Variants in CSRNP2 observed in about 807,000 individuals in gnomAD.
CSRNP2 encodes the protein cysteine and serine rich nuclear protein 2, also known as cysteine/serine-rich nuclear protein 2.
CSRNP2 carries 11 observed loss-of-function variants against 36.6 expected under a neutral mutation model. The ratio of observed to expected loss-of-function variants is 0.30; its 90% CI spans 0.19 to 0.50. The LOEUF is 0.50. CSRNP2 is among the 20% of genes least tolerant of loss of function. The pLI is 0.98. For synonymous variants in CSRNP2, 248 were observed against 275.3 expected (o/e 0.90, Z 0.98); for missense variants, 483 against 691.4 (o/e 0.70, Z 3.38).
Position 51,076,549 on chromosome 12 carries a change from T to C in CSRNP2, c.13A>G (p.Thr5Ala). Residue 5 changes from threonine to alanine, a missense_variant, in exon 2 of 5, where the codon ACG becomes GCG. Thr to Ala is a moderately conservative substitution (Grantham distance 58). Around this residue, in one of 2 missense-constraint regions of CSRNP2, gnomAD observed 206 missense variants for 367.8 expected, o/e 0.56. Coordinates refer to ENST00000228515, the MANE Select transcript of CSRNP2 (RefSeq NM_030809.3). MDAF[T>A]GSGLKRKFDD... ...AACTTCCTCTTGAGACCCGAGCCCG[T>C]GAATGCATCCATTGGTTTCAAAGGG... 6.2e-7 allele frequency: 1 copy of C among 1,614,032 alleles called. No individual in the cohort carries two copies. The highest frequency in any genetic ancestry group is 8.5e-7 in the Non-Finnish European group (1 of 1,180,006).
chr12:51,079,769 CA>C (rs35767986), intron 1 of CSRNP2, among the ~76,000 whole-genome samples: 8,113 of 33,770 alleles, frequency 0.24, 61 homozygotes, highest in East Asian at 0.34. Context: ...GAGACCTTGT[CA>C]AAAAAAAAAA....
At chr12:51,079,560 G>A (rs1438997174) in intron 1 of CSRNP2, among the ~76,000 whole-genome samples, 2 of 144,666 alleles carry the variant, frequency 1.4e-5, no homozygotes, top group Admixed American at 7.0e-5. Flanking sequence ...GCTGGAGTTC[G>A]AGACCAGCCT....
intron 1 of CSRNP2, among the ~76,000 whole-genome samples, chr12:51,080,127 A>AGCAGGCAGGCAGGCAGGCAGGCAG (rs138392211): frequency 5.1e-5 from 7 of 137,832 alleles, no homozygotes; most frequent in African/African-American, 1.1e-4. Flanking sequence ...GAAGAAGGCA[A>AGCAGGCAGGCAGGCAGGCAGGCAG]GCAGGCAGGC....
intron 3 of CSRNP2, 84 bp downstream of exon 3, chr12:51,073,739 A>T: frequency 2.2e-6 from 3 of 1,385,700 alleles, no homozygotes; most frequent in Non-Finnish European, 2.9e-6. Context: ...AAAAAAAAAA[A>T]AAAAAAAATC....
chr12:51,064,652 A>G lies in CSRNP2; in HGVS notation c.726T>C (p.Phe242=), dbSNP rs1310443921. The G allele has an allele frequency of 1.3e-6, 2 of 1,527,954 alleles. No individual in the cohort carries two copies. Among genetic ancestry groups the G allele is most frequent in the African/African-American group, 1.4e-5 (1 of 72,296 alleles). The allele number at this position is 1,527,954 out of a possible 1,614,324, so 94.6% of individuals were successfully genotyped here. ...AGCCATCCCGGGAGCAGCCACATGGAAAGGACATGCGATCCACCTGAGCGG... is the reference window on the plus strand; with the variant it reads ...AGCCATCCCGGGAGCAGCCACATGGGAAGGACATGCGATCCACCTGAGCGG... ...GIKCQVDRMS[F]PCGCSRDGCG... The change falls in exon 5 of 5, where the codon TTT becomes TTC. Residue 242 remains phenylalanine (F), a synonymous_variant. Transcript: ENST00000228515.
At position 51,067,753 on chromosome 12, in the gene CSRNP2, G is replaced by A. The variant is rs1938550908; in HGVS notation, c.628C>T (p.Arg210Trp). 1 of 1,614,182 alleles carries A rather than the reference G, an allele frequency of 6.2e-7. No homozygotes were observed. Among genetic ancestry groups the A allele is most frequent in the Non-Finnish European group, 8.5e-7 (1 of 1,180,030 alleles). The change falls in exon 4 of 5, where the codon CGG becomes TGG. Residue 210 changes from arginine (R) to tryptophan (W), a missense_variant. Coordinates refer to ENST00000228515, the MANE Select transcript of CSRNP2 (RefSeq NM_030809.3). The surrounding 1 kb of genome is among the most constrained non-coding windows in gnomAD (Gnocchi z 4.1). ...CGGCAGTCACAACCACATTCTTCCC[G>A]TGACAGGCGGATGGCTCGAAGTTCT... ...KQELRAIRLS[R>W]EECGCDCRLY...
chr12:51,080,239 TG>T (rs1168783074), intron 1 of CSRNP2, among the ~76,000 whole-genome samples: 2 of 152,112 alleles, frequency 1.3e-5, no homozygotes, highest in African/African-American at 4.8e-5. Context: ...TGTCCACTCC[TG>T]TTCTTTCCTC....
In CSRNP2 at chr12:51,067,949, C is replaced by T. The variant is rs774704705; in HGVS notation, c.432G>A (p.Val144=). 1.9e-6 allele frequency: 3 copies of T among 1,613,990 alleles called. No homozygotes were observed. The highest frequency in any genetic ancestry group is 1.1e-5 in the South Asian group (1 of 91,062). Residue 144 remains valine, a synonymous_variant, in exon 4 of 5, where the codon GTG becomes GTA. Coordinates refer to ENST00000228515, the MANE Select transcript of CSRNP2 (RefSeq NM_030809.3). The surrounding 1 kb of genome is among the most constrained non-coding windows in gnomAD (Gnocchi z 4.1). ...KKMKLTKNGT[V]ESVEADGLTL... Reference sequence around the variant, plus strand: ...TCAGGCCATCAGCCTCCACCGACTCCACTGTCCCATTCTTGGTCAGCTGCC... The same window carrying T: ...TCAGGCCATCAGCCTCCACCGACTCTACTGTCCCATTCTTGGTCAGCTGCC...
intron 3 of CSRNP2, among the ~76,000 whole-genome samples, chr12:51,073,132 T>C (rs912563302): frequency 1.6e-4 from 25 of 152,012 alleles, no homozygotes; most frequent in African/African-American, 5.8e-4. Context: ...GATTGGCAGA[T>C]GGCTTGAGGC....
Position 51,067,637 on chromosome 12 carries a change from G to T in CSRNP2, c.708+36C>A. On this transcript the variant is annotated intron_variant, in intron 4 of 4. Coordinates refer to ENST00000228515, the MANE Select transcript of CSRNP2 (RefSeq NM_030809.3). This position sits in a 1 kb window ranked among gnomAD's most constrained non-coding sequence, Gnocchi z 4.1. ...CCCACACCTCACCCCGCTGACCCTG[G>T]TGTAGATATACTATCTCAGGCCAAC... 6.3e-7 allele frequency: 1 copy of T among 1,594,710 alleles called. No individual in the cohort carries two copies. Among genetic ancestry groups the T allele is most frequent in the Non-Finnish European group, 8.6e-7 (1 of 1,167,810 alleles).
In CSRNP2 at chr12:51,069,176, C is replaced by T. The variant is rs576473606; in HGVS notation, c.412-1207G>A. On this transcript the variant is annotated intron_variant, in intron 3 of 4. Transcript: ENST00000228515. ...ATTTTTAGTAGACATGGGGTTTCACCGTGTTAGCCAGGATGGTCTCAATCT... is the reference window on the plus strand; with the variant it reads ...ATTTTTAGTAGACATGGGGTTTCACTGTGTTAGCCAGGATGGTCTCAATCT... 9.6e-4 allele frequency among the ~76,000 whole-genome samples: 146 copies of T among 151,944 alleles called. 1 individual carries two copies. The highest frequency in any genetic ancestry group is 3.4e-3 in the African/African-American group (139 of 41,452).
In CSRNP2 at chr12:51,067,277, T is replaced by C. The variant is rs1938493479; in HGVS notation, c.708+396A>G. Among the ~76,000 whole-genome samples the C allele has an allele frequency of 1.3e-5, 2 of 152,076 alleles. No homozygotes were observed. Among genetic ancestry groups the C allele is most frequent in the South Asian group, 4.1e-4 (2 of 4,824 alleles). On this transcript the variant is annotated intron_variant, in intron 4 of 4. Transcript: ENST00000228515. The surrounding 1 kb of genome is among the most constrained non-coding windows in gnomAD (Gnocchi z 4.1). ...TTCCTAACAGCTGCTTCTTATCACC[T>C]CTGAGAAATGAAACAAAAAAAGATG...
At chr12:51,068,296 CG>C (rs1566178348) in intron 3 of CSRNP2, among the ~76,000 whole-genome samples, 1 of 152,112 alleles carries the variant, frequency 6.6e-6, no homozygotes, top group African/African-American at 2.4e-5. Context: ...GGATTACAGG[CG>C]TGAGTCACCA....
intron 3 of CSRNP2, among the ~76,000 whole-genome samples, chr12:51,070,658 T>C (rs1939080142): frequency 6.6e-6 from 1 of 152,130 alleles, no homozygotes; most frequent in South Asian, 2.1e-4. Flanking sequence ...TGATAATGAG[T>C]TCCATATGGA....
chr12:51,075,308 C>T (rs907975399), intron 2 of CSRNP2, among the ~76,000 whole-genome samples: 56 of 152,038 alleles, frequency 3.7e-4, no homozygotes, highest in Non-Finnish European at 8.8e-5. Flanking sequence ...GACGAGGTTT[C>T]GCCATGTTGC....
chr12:51,075,509 T>C (rs974879309), intron 2 of CSRNP2, among the ~76,000 whole-genome samples: 12 of 152,182 alleles, frequency 7.9e-5, no homozygotes, highest in South Asian at 6.2e-4. Flanking sequence ...GAAAATTCCA[T>C]TGGATAGCAT....
At chr12:51,068,013 A>C (rs1321756517) in intron 3 of CSRNP2, 44 bp from the exon 4 acceptor site, 1 of 1,569,194 alleles carries the variant, frequency 6.4e-7, no homozygotes, top group African/African-American at 1.3e-5. Flanking sequence ...CATGAGCGGC[A>C]TGCACCTCCT....
chr12:51,071,884 C>T (rs979928033), intron 3 of CSRNP2, among the ~76,000 whole-genome samples: 2 of 152,112 alleles, frequency 1.3e-5, no homozygotes, highest in Non-Finnish European at 2.9e-5. Context: ...TGGAAGGTGA[C>T]AGGGTCAGTG....
intron 3 of CSRNP2, among the ~76,000 whole-genome samples, chr12:51,068,952 GA>G (rs1306373616): frequency 6.6e-6 from 1 of 152,088 alleles, no homozygotes; most frequent in Non-Finnish European, 1.5e-5. Flanking sequence ...CCTTGGCCGA[GA>G]AAAAATGTAT....
Sources: gnomAD v4.1 joint callset for allele counts (sites outside exome capture counted in the v4.1 genomes callset) on GRCh38, gnomAD v4.1.1 for gene constraint, gnomAD v4.1.1 regional missense constraint, Gnocchi (gnomAD v3.1) non-coding constraint, MANE v1.5 for transcripts, NCBI Gene and HGNC (gene_info 2026-07-23, HGNC 2026-07-21) for gene names.